HYLS1: variants seen among roughly 807,000 people sequenced by gnomAD.
HYLS1 encodes HYLS1 centriolar and ciliogenesis associated, also known as centriolar and ciliogenesis-associated protein HYLS1.
HYLS1 carries 25 observed loss-of-function variants against 29.4 expected under a neutral mutation model. That is an observed-to-expected ratio of 0.85 (90% CI 0.62 to 1.19). The LOEUF is 1.19. Among genes scored for constraint, HYLS1 ranks in the 50% most tolerant of loss-of-function variants. The probability of loss-of-function intolerance (pLI) is 0.00; values close to 1 mark genes in which losing one functional copy is unlikely to be tolerated. For missense variants in HYLS1, 352 were observed against 365.1 expected (o/e 0.96, Z 0.29); for synonymous variants, 128 against 126.7 (o/e 1.01, Z -0.07).
At chr11:125,891,886 C>A in intron 2 of HYLS1, among the ~76,000 whole-genome samples, 1 of 152,172 alleles carries the variant, frequency 6.6e-6, no homozygotes, top group East Asian at 1.9e-4. Flanking sequence ...AAGTCTATTT[C>A]TGTGGTCCAC....
chr11:125,891,237 A>C (rs752810191), intron 1 of HYLS1, among the ~76,000 whole-genome samples, 186 bp from the exon 2 acceptor site: 1 of 152,074 alleles, frequency 6.6e-6, no homozygotes, highest in African/African-American at 2.4e-5. Context: ...CTAAATTCTT[A>C]CTCTTCTAGA....
At chr11:125,896,092 C>T (rs1591502176) in intron 2 of HYLS1, 6 of 1,614,180 alleles carry the variant, frequency 3.7e-6, no homozygotes, top group Non-Finnish European at 5.1e-6. Flanking sequence ...CTTAGGGCTA[C>T]GTGTCTTCGG....
chr11:125,893,805 C>G, intron 2 of HYLS1: 2 of 1,607,296 alleles, frequency 1.2e-6, no homozygotes, highest in Non-Finnish European at 1.7e-6. Context: ...CTTTTAATTT[C>G]TGTGTCAACA....
In HYLS1 at chr11:125,892,653, T is replaced by C. The variant is rs944702684; in HGVS notation, c.-26+1181T>C. Among the ~76,000 whole-genome samples, 6 of 152,204 alleles carry C rather than the reference T, an allele frequency of 3.9e-5. No homozygotes were observed. The South Asian group carries it at 1.0e-3, about 26-fold the overall frequency. ...TTAATCTTAAATTCATCTACTTCTG[T>C]CCATTTGCCTCACTAAAAATCTCTT... On this transcript the variant is annotated intron_variant, in intron 2 of 2. Transcript: ENST00000425380.
At chr11:125,898,795 T>C (rs1459070255) in intron 2 of HYLS1, among the ~76,000 whole-genome samples, 7 of 152,092 alleles carry the variant, frequency 4.6e-5, no homozygotes, top group Admixed American at 4.6e-4. Context: ...ATCACTCTTT[T>C]ATGGTTAAAA....
In HYLS1 at chr11:125,900,120, C is replaced by T. The variant is rs750106574; in HGVS notation, c.752C>T (p.Pro251Leu). 1 of 1,614,124 alleles carries T rather than the reference C, an allele frequency of 6.2e-7. No individual in the cohort carries two copies. Among genetic ancestry groups the T allele is most frequent in the Non-Finnish European group, 8.5e-7 (1 of 1,180,028 alleles). Residue 251 changes from proline (P) to leucine (L), a missense_variant, in exon 3 of 3, where the codon CCC becomes CTC. Coordinates refer to ENST00000425380, the MANE Select transcript of HYLS1 (RefSeq NM_001134793.2). ...GAGCAGATGCTTTGTCGAGCAGAAC[C>T]CCAATCCAAACCTCAGCATATATAT... ...VREQMLCRAE[P>L]QSKPQHIYVP... is the part of the protein sequence containing the mutation.
chr11:125,893,636 C>A, intron 2 of HYLS1: 1 of 619,766 alleles, frequency 1.6e-6, no homozygotes, highest in Non-Finnish European at 2.6e-6. Flanking sequence ...GCAATAACTT[C>A]CTTAATAGGG....
At chr11:125,884,603 C>A (rs959037934), upstream of HYLS1, among the ~76,000 whole-genome samples, 1 of 152,104 alleles carries the variant, frequency 6.6e-6, no homozygotes, top group South Asian at 2.1e-4. Flanking sequence ...AGTGAGACTC[C>A]GTCTCAAAAA....
intron 2 of HYLS1, among the ~76,000 whole-genome samples, chr11:125,894,845 G>T (rs1208525192): frequency 6.6e-6 from 1 of 152,170 alleles, no homozygotes; most frequent in Non-Finnish European, 1.5e-5. Context: ...CACCAATGAT[G>T]TAGAAATTAA....
In HYLS1 at chr11:125,900,034, C is replaced by G. The variant is rs1315631400; in HGVS notation, c.666C>G (p.Asp222Glu). 8.1e-6 allele frequency: 13 copies of G among 1,614,166 alleles called. No individual in the cohort carries two copies. The highest frequency in any genetic ancestry group is 9.3e-6 in the Non-Finnish European group (11 of 1,180,036). ...RVARYFEYKR[D>E]WDSIRLPGED... is the part of the protein sequence containing the mutation. ...CCCGGTATTTTGAGTACAAACGGGA[C>G]TGGGACTCAATACGTTTACCTGGTG... Residue 222 changes from aspartate to glutamate, a missense_variant, in exon 3 of 3, where the codon GAC becomes GAG. Coordinates refer to ENST00000425380, the MANE Select transcript of HYLS1 (RefSeq NM_001134793.2).
intron 2 of HYLS1, among the ~76,000 whole-genome samples, chr11:125,898,713 G>A (rs778895484): frequency 4.0e-5 from 6 of 151,412 alleles, no homozygotes; most frequent in Non-Finnish European, 5.9e-5. Context: ...TTATATGTAT[G>A]CACGTATATA....
At chr11:125,892,878 T>A (rs1052412895) in intron 2 of HYLS1, among the ~76,000 whole-genome samples, 7 of 152,218 alleles carry the variant, frequency 4.6e-5, no homozygotes, top group African/African-American at 1.7e-4. Context: ...TCTACAAATG[T>A]GACCTGTGCT....
At chr11:125,895,072 A>G (rs1036008073) in intron 2 of HYLS1, 16 of 498,070 alleles carry the variant, frequency 3.2e-5, no homozygotes, top group African/African-American at 3.2e-4. Flanking sequence ...TTTTTAAGAC[A>G]GTCTCCCTCT....
chr11:125,896,671 C>T (rs1420690220), intron 2 of HYLS1, among the ~76,000 whole-genome samples: 1 of 152,158 alleles, frequency 6.6e-6, no homozygotes, highest in African/African-American at 2.4e-5. Context: ...AAAACATTTC[C>T]ATTTGATTTC....
At position 125,900,198 on chromosome 11, in the gene HYLS1, G is replaced by A. The variant is rs1944724862; in HGVS notation, c.830G>A (p.Trp277Ter). ...PTEKKRSALR[W>*]GVRCDLANGV... ...GAGAAGAAAAGGTCTGCACTCCGTT[G>A]GGGTGTTCGTTGTGACCTTGCAAAT... The change falls in exon 3 of 3, where the codon TGG becomes TAG. Residue 277 changes from tryptophan to a stop codon, truncating the protein, a stop_gained. Coordinates refer to ENST00000425380, the MANE Select transcript of HYLS1 (RefSeq NM_001134793.2). LOFTEE classifies it high-confidence loss of function. The A allele has an allele frequency of 6.2e-7, 1 of 1,614,160 alleles. No homozygotes were observed. Among genetic ancestry groups the A allele is most frequent in the East Asian group, 2.2e-5 (1 of 44,890 alleles).
At chr11:125,886,245 G>A (rs1221711796), upstream of HYLS1, among the ~76,000 whole-genome samples, 1 of 152,084 alleles carries the variant, frequency 6.6e-6, no homozygotes, top group Non-Finnish European at 1.5e-5. Flanking sequence ...TCCCTCCTTT[G>A]TTCTTTCCAT....
chr11:125,885,682 CCAGGCCACGGA>C (rs1490710336), upstream of HYLS1, among the ~76,000 whole-genome samples: 2 of 152,242 alleles, frequency 1.3e-5, no homozygotes, highest in African/African-American at 4.8e-5. Context: ...TCCCCAACCC[CCAGGCCACGGA>C]CAGGCACCTA....
Position 125,900,424 on chromosome 11 carries a change from G to C in HYLS1, c.*156G>C, listed in dbSNP as rs1944736373. 1 of 677,696 alleles carries C rather than the reference G, an allele frequency of 1.5e-6. No individual in the cohort carries two copies. The highest frequency in any genetic ancestry group is 2.6e-6 in the Non-Finnish European group (1 of 391,932). The allele number at this position is 677,696 out of a possible 1,614,324, so 42.0% of individuals were successfully genotyped here. ...TCTTTCCTAGCTATATATCACATTG[G>C]TATCAGATGATACTTCCAAATTGCC... On this transcript the variant is annotated 3_prime_UTR_variant, in exon 3 of 3. Coordinates refer to ENST00000425380, the MANE Select transcript of HYLS1 (RefSeq NM_001134793.2).
intron 1 of HYLS1, among the ~76,000 whole-genome samples, chr11:125,888,738 C>T (rs1944354168): frequency 6.8e-6 from 1 of 146,300 alleles, no homozygotes; most frequent in South Asian, 2.2e-4. Context: ...CACTGCACTC[C>T]AGCCTGGGCG....
Sources: allele counts gnomAD v4.1 joint callset (sites outside exome capture counted in the v4.1 genomes callset), GRCh38; gene constraint gnomAD v4.1.1; transcripts MANE v1.5; gene names NCBI Gene and HGNC (gene_info 2026-07-23, HGNC 2026-07-21).